RELB: variants seen among roughly 807,000 people sequenced by gnomAD.
RELB encodes RELB proto-oncogene, NF-kB subunit.
A neutral mutation model predicts 55.4 loss-of-function variants in RELB; 14 were observed. That is an observed-to-expected ratio of 0.25 (90% CI 0.17 to 0.40). RELB has a LOEUF of 0.40. Among genes scored for constraint, RELB ranks in the 10% least tolerant of loss-of-function variants. The probability of loss-of-function intolerance (pLI) is 1.00; values close to 1 mark genes in which losing one functional copy is unlikely to be tolerated. For missense variants in RELB, 669 were observed against 830.7 expected (o/e 0.81, Z 2.39); for synonymous variants, 409 against 371.3 (o/e 1.10, Z -1.17).
intron 4 of RELB, among the ~76,000 whole-genome samples, chr19:45,017,874 G>A (rs977574927): frequency 2.0e-5 from 3 of 150,578 alleles, no homozygotes; most frequent in Non-Finnish European, 4.4e-5. Context: ...CGAACTCCTG[G>A]CCTCAGGTGA....
In RELB at chr19:45,034,558, C is replaced by T. The variant is rs1292226828; in HGVS notation, c.1354+30C>T. ...GTCCCAGCTACACATAAGCCCCTGT[C>T]CCCTGGGTGGGCAGAGGGTAAGTGG... is the stretch of plus-strand genomic sequence containing the variant. On this transcript the variant is annotated intron_variant, in intron 11 of 11. Transcript: ENST00000221452. 15 of 1,561,074 alleles carry T rather than the reference C, an allele frequency of 9.6e-6. No individual in the cohort carries two copies. The Admixed American group carries it at 1.1e-4, about 12-fold the overall frequency.
intron 5 of RELB, among the ~76,000 whole-genome samples, chr19:45,024,903 AG>A (rs1206957572): frequency 6.6e-6 from 1 of 151,640 alleles, no homozygotes; most frequent in Admixed American, 6.6e-5. Flanking sequence ...TCTGTTGCCC[AG>A]GCTGGAGTGC....
chr19:45,036,721 GC>G (rs1415430925), intron 11 of RELB, among the ~76,000 whole-genome samples: 3 of 152,038 alleles, frequency 2.0e-5, no homozygotes, highest in African/African-American at 7.2e-5. Context: ...TTGCTCTGTT[GC>G]CCAGGCTGGA....
chr19:45,031,566 G>T (rs1249887687), intron 8 of RELB, among the ~76,000 whole-genome samples: 1 of 152,020 alleles, frequency 6.6e-6, no homozygotes, highest in East Asian at 1.9e-4. Context: ...GACATGAGGG[G>T]GATATTAATT....
intron 9 of RELB, among the ~76,000 whole-genome samples, chr19:45,033,732 C>G (rs995212025): frequency 6.7e-6 from 1 of 148,580 alleles, no homozygotes; most frequent in Non-Finnish European, 1.5e-5. Flanking sequence ...TAGTAGAGAC[C>G]GGGTTTCGCC....
Position 45,028,914 on chromosome 19 carries a change from A to T in RELB, c.913A>T (p.Ile305Phe). The T allele has an allele frequency of 6.3e-7, 1 of 1,599,564 alleles. No individual in the cohort carries two copies. The highest frequency in any genetic ancestry group is 1.1e-5 in the South Asian group (1 of 88,000). Reference sequence around the variant, plus strand: ...ATCCACAAACACATCAGAGCTGCGGATTTGCCGAATTAACAAGGAAAGCGG... The same window carrying T: ...ATCCACAAACACATCAGAGCTGCGGTTTTGCCGAATTAACAAGGAAAGCGG... ...KKSTNTSELR[I>F]CRINKESGPC... Residue 305 changes from isoleucine to phenylalanine, a missense_variant, in exon 8 of 12, where the codon ATT (isoleucine) becomes TTT (phenylalanine). Coordinates refer to ENST00000221452, the MANE Select transcript of RELB (RefSeq NM_006509.4).
chr19:45,035,846 G>A (rs1472458265), intron 11 of RELB, among the ~76,000 whole-genome samples: 1 of 152,092 alleles, frequency 6.6e-6, no homozygotes, highest in African/African-American at 2.4e-5. Context: ...ACAAAAAACA[G>A]TCCATAGGTA....
At chr19:45,027,968 C>T (rs1971577736) in intron 7 of RELB, among the ~76,000 whole-genome samples, 1 of 152,124 alleles carries the variant, frequency 6.6e-6, no homozygotes, top group South Asian at 2.1e-4. Context: ...GCAGCCTGAA[C>T]TCCTGGGCTC....
chr19:45,009,085 G>A (rs1383841710), intron 2 of RELB, among the ~76,000 whole-genome samples: 1 of 152,028 alleles, frequency 6.6e-6, no homozygotes, highest in Non-Finnish European at 1.5e-5. Flanking sequence ...TTTTGTTGTT[G>A]TTGTTGTTTG....
chr19:45,036,590 C>G (rs1386901374), intron 11 of RELB, among the ~76,000 whole-genome samples: 1 of 152,154 alleles, frequency 6.6e-6, no homozygotes, highest in East Asian at 1.9e-4. Flanking sequence ...AGGGAAAACT[C>G]TCCACAGCTG....
At chr19:45,009,150 A>G (rs1291764048) in intron 2 of RELB, among the ~76,000 whole-genome samples, 1 of 152,086 alleles carries the variant, frequency 6.6e-6, no homozygotes, top group East Asian at 1.9e-4. Flanking sequence ...ACGCAATCTC[A>G]GCTCACTGCA....
intron 4 of RELB, among the ~76,000 whole-genome samples, chr19:45,020,538 A>C (rs1427886299): frequency 2.8e-5 from 4 of 144,676 alleles, no homozygotes; most frequent in Admixed American, 7.1e-5. Context: ...TTTTAACCCC[A>C]AATGTGGCAC....
chr19:45,024,218 G>T (rs1215275311), intron 5 of RELB, among the ~76,000 whole-genome samples: 1 of 151,866 alleles, frequency 6.6e-6, no homozygotes, highest in Admixed American at 6.6e-5. Flanking sequence ...CTGGAGTGCA[G>T]TGGCGCGATC....
chr19:45,020,853 G>A (rs565552193), intron 4 of RELB, among the ~76,000 whole-genome samples: 59 of 151,926 alleles, frequency 3.9e-4, no homozygotes, highest in Middle Eastern at 3.5e-3. Context: ...CACCGCACCC[G>A]GCCATGGCAC....
chr19:45,003,267 C>G (rs1453387679), intron 2 of RELB, among the ~76,000 whole-genome samples: 1 of 151,996 alleles, frequency 6.6e-6, no homozygotes, highest in South Asian at 2.1e-4. Flanking sequence ...GTCAGGAGAT[C>G]GAGACCATCC....
intron 4 of RELB, among the ~76,000 whole-genome samples, chr19:45,016,141 G>A (rs1170285137): frequency 6.6e-6 from 1 of 151,680 alleles, no homozygotes; most frequent in Admixed American, 6.6e-5. Flanking sequence ...CCTGCCAGCA[G>A]GCCCGGCTAA....
intron 1 of RELB, among the ~76,000 whole-genome samples, chr19:45,002,109 G>A (rs916862050): frequency 1.3e-5 from 2 of 150,144 alleles, no homozygotes; most frequent in Admixed American, 1.3e-4. Flanking sequence ...GGGTGAGGGG[G>A]CGGGGCCTGG....
intron 2 of RELB, chr19:45,003,621 T>G (rs1330514624): frequency 1.9e-6 from 1 of 517,964 alleles, no homozygotes; most frequent in Admixed American, 1.9e-5. Context: ...CATACTGCTG[T>G]CATCGCCCCT....
intron 4 of RELB, among the ~76,000 whole-genome samples, chr19:45,017,729 T>TCAG: frequency 6.7e-6 from 1 of 149,780 alleles, no homozygotes; most frequent in South Asian, 2.1e-4. Context: ...TGGTGCGATC[T>TCAG]CTGCCTCTCA....
Sources: allele counts gnomAD v4.1 joint callset (sites outside exome capture counted in the v4.1 genomes callset), GRCh38; gene constraint gnomAD v4.1.1; transcripts MANE v1.5; gene names NCBI Gene and HGNC (gene_info 2026-07-23, HGNC 2026-07-21).